The following YWHAQ variants were observed in gnomAD, a reference collection of about 807,000 sequenced individuals.
YWHAQ encodes 14-3-3 protein theta.
Under a neutral mutation model 28.3 loss-of-function variants are expected in YWHAQ, and 6 were observed. The ratio of observed to expected loss-of-function variants is 0.21; its 90% CI spans 0.12 to 0.42. The LOEUF is 0.42. Ranked by LOEUF, YWHAQ falls within the 10% of genes least tolerant of loss-of-function variation. The pLI is 1.00. For synonymous variants in YWHAQ, 143 were observed against 119.1 expected, an observed-to-expected ratio of 1.20 and a Z score of -1.31; for missense variants, 201 against 305.6, an observed-to-expected ratio of 0.66 and a Z score of 2.55.
Position 9,604,758 on chromosome 2 carries a change from C to A in YWHAQ, c.295-13243G>T, listed in dbSNP as rs186239644. Among the ~76,000 whole-genome samples, 27 of 152,138 alleles carry A rather than the reference C, an allele frequency of 1.8e-4. No homozygotes were observed. The East Asian group carries it at 4.8e-3, about 27-fold the overall frequency. ...ATTCAAGGAGGTGCTGAAACCAATT[C>A]CCCTCAGATACAGAGCGATGGTTAT... On this transcript the variant is annotated intron_variant, in intron 2 of 5. Coordinates refer to ENST00000238081, the MANE Select transcript of YWHAQ (RefSeq NM_006826.4).
At position 9,592,919 on chromosome 2, in the gene YWHAQ, G is replaced by A. The variant is rs182876204; in HGVS notation, c.295-1404C>T. Among the ~76,000 whole-genome samples, 5 of 152,206 alleles carry A rather than the reference G, an allele frequency of 3.3e-5. No individual in the cohort carries two copies. In the East Asian group the frequency reaches 9.7e-4, roughly 29 times the overall value. ...GTAAATGTTAGCTAGTATCAGCCTA[G>A]GTACACAGTTTGAAAAGCACTGCTC... On this transcript the variant is annotated intron_variant, in intron 2 of 5. Coordinates refer to ENST00000238081, the MANE Select transcript of YWHAQ (RefSeq NM_006826.4).
chr2:9,607,711 CTTTTTTTTTT>C (rs34963513), intron 2 of YWHAQ, among the ~76,000 whole-genome samples: 2 of 128,650 alleles, frequency 1.6e-5, no homozygotes, highest in East Asian at 4.3e-4. Flanking sequence ...AATTCTTCCT[CTTTTTTTTTT>C]TTTTTTTTGA....
chr2:9,627,312 T>C (rs16867083), intron 2 of YWHAQ, among the ~76,000 whole-genome samples: 28,141 of 152,192 alleles, frequency 0.18, 2,870 homozygotes, highest in Middle Eastern at 0.24. Context: ...CTTCTATAAT[T>C]ACCAAGTTAG....
At chr2:9,588,449 G>A (rs1394016445) in intron 3 of YWHAQ, 121 bp from the exon 4 acceptor site, 2 of 1,148,966 alleles carry the variant, frequency 1.7e-6, no homozygotes, top group Non-Finnish European at 1.2e-6. Flanking sequence ...CTCTGTATGG[G>A]TCTTTTAAAA....
At chr2:9,621,842 G>A (rs924553470) in intron 2 of YWHAQ, among the ~76,000 whole-genome samples, 16 of 152,078 alleles carry the variant, frequency 1.1e-4, no homozygotes, top group African/African-American at 3.9e-4. Flanking sequence ...ATACACCATG[G>A]AATACTATGC....
chr2:9,627,651 A>T (rs1207930881), intron 2 of YWHAQ, among the ~76,000 whole-genome samples: 1 of 152,084 alleles, frequency 6.6e-6, no homozygotes, highest in Non-Finnish European at 1.5e-5. Context: ...GTGTAACAAG[A>T]TCCCATCTCT....
intron 2 of YWHAQ, 21 bp from the exon 3 acceptor site, chr2:9,591,536 C>T (rs376583183): frequency 3.2e-5 from 51 of 1,594,162 alleles, no homozygotes; most frequent in African/African-American, 5.4e-5. Flanking sequence ...TAAGACAGAA[C>T]ATTAGGCACT....
chr2:9,592,908 G>T (rs879363779), intron 2 of YWHAQ, among the ~76,000 whole-genome samples: 8 of 152,162 alleles, frequency 5.3e-5, no homozygotes, highest in Admixed American at 5.2e-4. Flanking sequence ...ATGTTAGCTA[G>T]TATCAGCCTA....
chr2:9,594,606 A>C (rs144504396), intron 2 of YWHAQ, among the ~76,000 whole-genome samples: 93 of 152,284 alleles, frequency 6.1e-4, no homozygotes, highest in African/African-American at 2.2e-3. Flanking sequence ...GATGCCTCTC[A>C]CTTTTCTTGT....
chr2:9,622,802 A>C (rs1667167705), intron 2 of YWHAQ, among the ~76,000 whole-genome samples: 1 of 152,236 alleles, frequency 6.6e-6, no homozygotes, highest in South Asian at 2.1e-4. Context: ...CAAATCTAGT[A>C]ATTTATCATA....
At chr2:9,608,862 C>T (rs536380692) in intron 2 of YWHAQ, among the ~76,000 whole-genome samples, 159 of 152,208 alleles carry the variant, frequency 1.0e-3, no homozygotes, top group African/African-American at 3.6e-3. Context: ...ATCACTTGAA[C>T]CCAGGAGGTA....
intron 2 of YWHAQ, among the ~76,000 whole-genome samples, chr2:9,625,024 G>C (rs927696285): frequency 6.6e-6 from 1 of 151,888 alleles, no homozygotes; most frequent in African/African-American, 2.4e-5. Context: ...GATTACAGGC[G>C]TGAGCCACCA....
intron 2 of YWHAQ, among the ~76,000 whole-genome samples, chr2:9,608,281 C>T (rs1666875373): frequency 6.6e-6 from 1 of 152,094 alleles, no homozygotes; most frequent in Admixed American, 6.6e-5. Flanking sequence ...AGGGGAAATA[C>T]ATCGAGGCGC....
chr2:9,593,264 A>G (rs1488998060), intron 2 of YWHAQ, among the ~76,000 whole-genome samples: 2 of 145,568 alleles, frequency 1.4e-5, no homozygotes, highest in African/African-American at 2.6e-5. Flanking sequence ...TTTTGAGACA[A>G]AGTCTCACTC....
chr2:9,630,340 T>C lies in YWHAQ; in HGVS notation c.113A>G (p.Asn38Ser), dbSNP rs756561669. The change falls in exon 2 of 6, where the codon AAC (asparagine) becomes AGC (serine). Residue 38 changes from asparagine (N) to serine (S), a missense_variant. This residue lies in a region of YWHAQ where 162 missense variants were observed against 213.9 expected (regional missense o/e 0.76). Transcript: ENST00000238081. This position sits in a 1 kb window ranked among gnomAD's most constrained non-coding sequence, Gnocchi z 5.6. Reference protein sequence around the residue: ...AVTEQGAELSNEERNLLSVAY... With the variant: ...AVTEQGAELSSEERNLLSVAY... ...CACGGAGAGCAGGTTGCGCTCCTCG[T>C]TGGACAGCTCGGCGCCCTGCTCGGT... The C allele has an allele frequency of 1.9e-6, 3 of 1,614,116 alleles. No homozygotes were observed. The highest frequency in any genetic ancestry group is 1.7e-6 in the Non-Finnish European group (2 of 1,180,024).
rs566898850 is a variant in YWHAQ at position 9,617,127 on chromosome 2, AT to A, written c.294+13031del. Among the ~76,000 whole-genome samples the A allele has an allele frequency of 4.8e-3, 666 of 140,046 alleles. 3 individuals carry two copies. The highest frequency in any genetic ancestry group is 0.04 in the East Asian group (195 of 4,828). 91.9% of individuals were successfully genotyped at this position (140,046 alleles called of 152,430 possible). A position where few individuals can be genotyped will look rare whatever the true frequency, so the allele number is the denominator to read the frequency against. On this transcript the variant is annotated intron_variant, in intron 2 of 5. Transcript: ENST00000238081. ...AGGTGCCTGCCACTACGCCCGGCTA[AT>A]TTTTTTTTTTTTTTTAGTAGAGACG...
chr2:9,587,792 T>C (rs1296944184), intron 4 of YWHAQ, among the ~76,000 whole-genome samples: 1 of 152,256 alleles, frequency 6.6e-6, no homozygotes, highest in African/African-American at 2.4e-5. Context: ...GTAGTACTTA[T>C]CTCTACAGGG....
chr2:9,625,564 C>G (rs568872137), intron 2 of YWHAQ, among the ~76,000 whole-genome samples: 1 of 152,154 alleles, frequency 6.6e-6, no homozygotes, highest in Non-Finnish European at 1.5e-5. Flanking sequence ...GCAGTTACAC[C>G]ACTTGGGTTA....
chr2:9,595,165 C>T (rs542579996), intron 2 of YWHAQ, among the ~76,000 whole-genome samples: 4 of 152,250 alleles, frequency 2.6e-5, no homozygotes, highest in East Asian at 1.9e-4. Flanking sequence ...AGAATAGTTC[C>T]GTCTTTCCAT....
Sources: allele counts gnomAD v4.1 joint callset (sites outside exome capture counted in the v4.1 genomes callset), GRCh38; gene constraint gnomAD v4.1.1; regional missense constraint gnomAD v4.1.1; non-coding constraint Gnocchi (gnomAD v3.1); transcripts MANE v1.5; gene names NCBI Gene and HGNC (gene_info 2026-07-23, HGNC 2026-07-21).